The following GNAT2 variants were observed in gnomAD, a reference collection of about 807,000 sequenced individuals.
The protein encoded by GNAT2 is guanine nucleotide-binding protein G(t) subunit alpha-2.
A neutral mutation model predicts 40.9 loss-of-function variants in GNAT2; 32 were observed. The ratio of observed to expected loss-of-function variants is 0.78; its 90% CI spans 0.59 to 1.05. The LOEUF (loss-of-function observed/expected upper bound fraction) is 1.05. Among genes scored for constraint, GNAT2 ranks in the 50% least tolerant of loss-of-function variants. The pLI, the probability that GNAT2 is intolerant of heterozygous loss-of-function variation, is 0.00. For synonymous variants in GNAT2, 141 were observed against 157.2 expected (o/e 0.90, Z 0.77); for missense variants, 355 against 431.5 (o/e 0.82, Z 1.57).
intron 2 of GNAT2, 157 bp from the exon 3 acceptor site, chr1:109,610,664 G>A: frequency 1.4e-6 from 1 of 702,430 alleles, no homozygotes; most frequent in Non-Finnish European, 2.6e-6. Flanking sequence ...GCAGGCTTGA[G>A]CTCAGGCCAT....
intron 2 of GNAT2, chr1:109,611,415 G>A (rs1570565884): frequency 6.6e-6 from 1 of 152,170 alleles, no homozygotes; most frequent in African/African-American, 2.4e-5. Context: ...CTGACCTCAG[G>A]TAGATCCACC....
At chr1:109,610,706 C>T (rs1162581948) in intron 2 of GNAT2, 199 bp from the exon 3 acceptor site, 1 of 646,230 alleles carries the variant, frequency 1.5e-6, no homozygotes, top group African/African-American at 1.8e-5. Context: ...TTCTTAACTT[C>T]AGTACTATTT....
Position 109,604,122 on chromosome 1 carries a change from C to A in GNAT2, c.721-18G>T. The A allele has an allele frequency of 1.3e-6, 2 of 1,596,930 alleles. No individual in the cohort carries two copies. Among genetic ancestry groups the A allele is most frequent in the South Asian group, 1.1e-5 (1 of 90,728 alleles). On this transcript the variant is annotated intron_variant, in intron 7 of 8. Coordinates refer to ENST00000679935, the MANE Select transcript of GNAT2 (RefSeq NM_001377295.2). ...ATACGATTCTAGTAAGAGGAAACACCATTGGAAATATCAGATTTGGCTTAT... is the reference window on the plus strand; with the variant it reads ...ATACGATTCTAGTAAGAGGAAACACAATTGGAAATATCAGATTTGGCTTAT...
chr1:109,612,895 A>G lies in GNAT2; in HGVS notation c.-25T>C. 1.4e-6 allele frequency: 2 copies of G among 1,434,794 alleles called. No homozygotes were observed. The highest frequency in any genetic ancestry group is 2.3e-5 in the South Asian group (2 of 87,568). 88.9% of individuals were successfully genotyped at this position (1,434,794 alleles called of 1,614,324 possible). A position where few individuals can be genotyped will look rare whatever the true frequency, so the allele number is the denominator to read the frequency against. ...TATTTGCCGTCTTGTCAGCTTTTTC[A>G]GGCCCCTAATCCTCTCTCGTAAGGT... On this transcript the variant is annotated 5_prime_UTR_variant, in exon 2 of 9. Coordinates refer to ENST00000679935, the MANE Select transcript of GNAT2 (RefSeq NM_001377295.2).
At chr1:109,610,635 C>T in intron 2 of GNAT2, 128 bp from the exon 3 acceptor site, 6 of 760,268 alleles carry the variant, frequency 7.9e-6, no homozygotes, top group Non-Finnish European at 1.4e-5. Flanking sequence ...ATAGGGATGA[C>T]TGCTGCCCTC....
Position 109,603,476 on chromosome 1 carries a change from C to T in GNAT2, c.943G>A (p.Asp315Asn), listed in dbSNP as rs950519744. Residue 315 changes from aspartate to asparagine, a missense_variant, in exon 9 of 9, where the codon GAT becomes AAT. Asp to Asn is a conservative substitution (Grantham distance 23, BLOSUM62 1). Coordinates refer to ENST00000679935, the MANE Select transcript of GNAT2 (RefSeq NM_001377295.2). ...ATGTGACTGTAGATTTCTTTGACAT[C>T]TTTTCGCATATTGAGGTCAAGGAAC... is the stretch of plus-strand genomic sequence containing the variant. Reference protein sequence around the residue: ...SQFLDLNMRKDVKEIYSHMTC... With the variant: ...SQFLDLNMRKNVKEIYSHMTC... 6 of 1,607,048 alleles carry T rather than the reference C, an allele frequency of 3.7e-6. No individual in the cohort carries two copies. Among genetic ancestry groups the T allele is most frequent in the Non-Finnish European group, 5.1e-6 (6 of 1,173,538 alleles).
intron 7 of GNAT2, chr1:109,604,933 CAT>C (rs1179587771): frequency 6.6e-6 from 1 of 152,118 alleles, no homozygotes; most frequent in East Asian, 1.9e-4. Context: ...CTCATAGACT[CAT>C]AGACTTTAGG....
Position 109,603,944 on chromosome 1 carries a change from C to T in GNAT2, c.874+7G>A, listed in dbSNP as rs761494823. On this transcript the variant is annotated splice_region_variant and intron_variant, in intron 8 of 8. Coordinates refer to ENST00000679935, the MANE Select transcript of GNAT2 (RefSeq NM_001377295.2). ...CATTATTATTATTTCCAGCCCCTGA[C>T]ACTTACCATCATACTCTGGAAAACA... is the stretch of plus-strand genomic sequence containing the variant. The T allele has an allele frequency of 6.3e-7, 1 of 1,588,580 alleles. No homozygotes were observed. Among genetic ancestry groups the T allele is most frequent in the Non-Finnish European group, 8.6e-7 (1 of 1,157,568 alleles).
rs752278435 is a variant in GNAT2 at position 109,612,863 on chromosome 1, C to G, written c.8G>C (p.Ser3Thr). ...TTCTTTGTCCTCAGCACTGGCTCCA[C>G]TTCCCATATTTGCCGTCTTGTCAGC... MG[S>T]GASAEDKELA... The change falls in exon 2 of 9, where the codon AGT becomes ACT. Residue 3 changes from serine to threonine, a missense_variant. Coordinates refer to ENST00000679935, the MANE Select transcript of GNAT2 (RefSeq NM_001377295.2). 6.2e-7 allele frequency: 1 copy of G among 1,604,706 alleles called. No homozygotes were observed. Among genetic ancestry groups the G allele is most frequent in the South Asian group, 1.1e-5 (1 of 90,890 alleles).
chr1:109,619,320 C>T (rs1420097464), intron 1 of GNAT2, among the ~76,000 whole-genome samples, 163 bp downstream of exon 1: 1 of 152,192 alleles, frequency 6.6e-6, no homozygotes, highest in Non-Finnish European at 1.5e-5. Context: ...ATTTTACAGA[C>T]GAAATAGAAG....
At chr1:109,605,882 T>C in intron 7 of GNAT2, 88 bp downstream of exon 7, 1 of 1,171,208 alleles carries the variant, frequency 8.5e-7, no homozygotes, top group Non-Finnish European at 1.3e-6. Flanking sequence ...ATTACCTAAG[T>C]TGGGGCAGTA....
intron 7 of GNAT2, chr1:109,604,406 G>A: frequency 2.5e-6 from 1 of 403,768 alleles, no homozygotes; most frequent in Non-Finnish European, 4.7e-6. Flanking sequence ...CATGATAGTG[G>A]CTGGCATATA....
chr1:109,609,820 T>G (rs1395435292), intron 4 of GNAT2: 1 of 561,062 alleles, frequency 1.8e-6, no homozygotes, highest in Non-Finnish European at 3.2e-6. Context: ...TGAGGCTAAT[T>G]AGAAAGGTAC....
At chr1:109,614,432 A>C (rs767197118) in intron 1 of GNAT2, 3 of 152,248 alleles carry the variant, frequency 2.0e-5, no homozygotes, top group Non-Finnish European at 4.4e-5. Flanking sequence ...AGCCAGAGAA[A>C]ATATTTTAAG....
At chr1:109,605,812 G>GT in intron 7 of GNAT2, 158 bp downstream of exon 7, 1 of 708,698 alleles carries the variant, frequency 1.4e-6, no homozygotes, top group Non-Finnish European at 2.6e-6. Context: ...AGAAGAAGTT[G>GT]TTTTTTAGAA....
At position 109,619,521 on chromosome 1, in the gene GNAT2, T is replaced by C. The variant is rs1650067604; in HGVS notation, c.-92A>G. On this transcript the variant is annotated 5_prime_UTR_variant, in exon 1 of 9. Transcript: ENST00000679935. ...AAGAAAACAGACGACCAAGTGAGAT[T>C]GCAGGGGCAGGACTTCTGCTTAAAA... 1 of 152,334 alleles carries C rather than the reference T, an allele frequency of 6.6e-6. No individual in the cohort carries two copies. The highest frequency in any genetic ancestry group is 2.4e-5 in the African/African-American group (1 of 41,474). 9.4% of individuals were successfully genotyped at this position (152,334 alleles called of 1,614,324 possible). A position where few individuals can be genotyped will look rare whatever the true frequency, so the allele number is the denominator to read the frequency against.
intron 1 of GNAT2, 43 bp from the exon 2 acceptor site, chr1:109,612,966 T>TCA: frequency 1.2e-6 from 1 of 852,158 alleles, no homozygotes; most frequent in Non-Finnish European, 2.0e-6. Flanking sequence ...TGGGATTGAG[T>TCA]ATCCCAACTT....
chr1:109,612,906 C>A lies in GNAT2; in HGVS notation c.-36G>T. 7.6e-7 allele frequency: 1 copy of A among 1,322,834 alleles called. No homozygotes were observed. The highest frequency in any genetic ancestry group is 1.1e-6 in the Non-Finnish European group (1 of 915,442). The allele number at this position is 1,322,834 out of a possible 1,614,324, so 81.9% of individuals were successfully genotyped here. On this transcript the variant is annotated 5_prime_UTR_variant, in exon 2 of 9. Transcript: ENST00000679935. ...TTGTCAGCTTTTTCAGGCCCCTAATCCTCTCTCGTAAGGTTTCCTGTATGT... is the reference window on the plus strand; with the variant it reads ...TTGTCAGCTTTTTCAGGCCCCTAATACTCTCTCGTAAGGTTTCCTGTATGT...
chr1:109,604,134 C>G (rs1488201439), intron 7 of GNAT2, 30 bp from the exon 8 acceptor site: 1 of 1,579,712 alleles, frequency 6.3e-7, no homozygotes, highest in African/African-American at 1.3e-5. Flanking sequence ...TTGGAAATAT[C>G]AGATTTGGCT....
Sources: gnomAD v4.1 joint callset for allele counts (sites outside exome capture counted in the v4.1 genomes callset) on GRCh38, gnomAD v4.1.1 for gene constraint, MANE v1.5 for transcripts, NCBI Gene and HGNC (gene_info 2026-07-23, HGNC 2026-07-21) for gene names.